The following CALCR variants were observed in gnomAD, a reference collection of about 807,000 sequenced individuals.
CALCR encodes the protein calcitonin receptor.
Under a neutral mutation model 59.5 loss-of-function variants are expected in CALCR, and 47 were observed. The observed-to-expected ratio is 0.79, with a 90% CI of 0.63 to 1.01. CALCR has a LOEUF of 1.01. Ranked by LOEUF, CALCR falls within the 50% of genes least tolerant of loss-of-function variation. CALCR has a pLI of 0.00. For synonymous variants in CALCR, 213 were observed against 211.3 expected (o/e 1.01, Z -0.07); for missense variants, 566 against 597.1 (o/e 0.95, Z 0.54).
intron 2 of CALCR, among the ~76,000 whole-genome samples, chr7:93,553,106 C>T (rs913575251): frequency 2.0e-5 from 3 of 152,168 alleles, no homozygotes; most frequent in Admixed American, 2.0e-4. Flanking sequence ...AATAAAATGA[C>T]TTTTATCCAA....
At chr7:93,542,708 C>A (rs1369742770) in intron 2 of CALCR, among the ~76,000 whole-genome samples, 1 of 132,326 alleles carries the variant, frequency 7.6e-6, no homozygotes, top group African/African-American at 2.6e-5. Context: ...TATTTTATTT[C>A]TTTTATAAGA....
chr7:93,566,200 G>T (rs1789860028), intron 2 of CALCR, among the ~76,000 whole-genome samples: 1 of 152,062 alleles, frequency 6.6e-6, no homozygotes, highest in South Asian at 2.1e-4. Context: ...ATTTGGGACA[G>T]ACAATAAAAA....
Position 93,434,308 on chromosome 7 carries a change from G to A in CALCR, c.1150-14C>T. ...AACAAAGAAGCCCTAAAAAGGGAAG[G>A]AAAAATACAGTTGAAGTTATTTTTG... On this transcript the variant is annotated splice_polypyrimidine_tract_variant and intron_variant, in intron 12 of 13. Coordinates refer to ENST00000426151, the MANE Select transcript of CALCR (RefSeq NM_001742.4). 1 of 1,588,546 alleles carries A rather than the reference G, an allele frequency of 6.3e-7. No homozygotes were observed. The highest frequency in any genetic ancestry group is 1.4e-5 in the African/African-American group (1 of 73,564).
chr7:93,464,106 G>A (rs1398542632), intron 7 of CALCR, among the ~76,000 whole-genome samples: 1 of 151,938 alleles, frequency 6.6e-6, no homozygotes, highest in Admixed American at 6.6e-5. Context: ...TAGTTCATCT[G>A]GTGTAAATCT....
chr7:93,458,912 A>G (rs1013442038), intron 8 of CALCR, among the ~76,000 whole-genome samples: 2 of 152,194 alleles, frequency 1.3e-5, no homozygotes, highest in African/African-American at 2.4e-5. Context: ...ATAAACAGTT[A>G]TATCATTAAA....
chr7:93,544,033 A>G (rs2116197644), intron 2 of CALCR, among the ~76,000 whole-genome samples: 1 of 152,202 alleles, frequency 6.6e-6, no homozygotes, highest in East Asian at 1.9e-4. Context: ...CAGAATAGAA[A>G]TTGAAAAATT....
At chr7:93,511,791 A>T (rs1038886204) in intron 2 of CALCR, among the ~76,000 whole-genome samples, 7 of 152,200 alleles carry the variant, frequency 4.6e-5, no homozygotes, top group Non-Finnish European at 1.0e-4. Flanking sequence ...CATTTTAAAA[A>T]TTTAATAAAG....
intron 2 of CALCR, among the ~76,000 whole-genome samples, chr7:93,530,866 C>T (rs1180563848): frequency 6.6e-6 from 1 of 151,820 alleles, no homozygotes; most frequent in Non-Finnish European, 1.5e-5. Context: ...AAGTGTGGTC[C>T]CTGGACCAGC....
chr7:93,461,001 TG>T, intron 7 of CALCR, 54 bp from the exon 8 acceptor site: 1 of 1,453,664 alleles, frequency 6.9e-7, no homozygotes, highest in Non-Finnish European at 9.2e-7. Context: ...TTGGAGTACC[TG>T]GAAAAAAACA....
At chr7:93,474,850 T>C (rs1310277716) in intron 5 of CALCR, among the ~76,000 whole-genome samples, 2 of 151,804 alleles carry the variant, frequency 1.3e-5, no homozygotes, top group Non-Finnish European at 2.9e-5. Context: ...GTTGTACGTA[T>C]AGATAATGCT....
chr7:93,510,687 A>G (rs1409533842), intron 2 of CALCR, among the ~76,000 whole-genome samples: 2 of 152,046 alleles, frequency 1.3e-5, no homozygotes, highest in East Asian at 1.9e-4. Context: ...GGGCAACATA[A>G]AGAGACACTG....
rs775958731 is a variant in CALCR at position 93,462,138 on chromosome 7, A to G, written c.522-1191T>C. 2.3e-6 allele frequency: 3 copies of G among 1,310,122 alleles called. No homozygotes were observed. In the East Asian group the frequency reaches 7.6e-5, roughly 33 times the overall value. 81.2% of individuals were successfully genotyped at this position (1,310,122 alleles called of 1,614,324 possible). ...GCAATAAAAAGCAATTTAAGTAATA[A>G]AGGCAGCTGTTAGAGCATATTTTAA... On this transcript the variant is annotated intron_variant, in intron 7 of 13. Transcript: ENST00000426151.
At chr7:93,510,891 C>A (rs956229270) in intron 2 of CALCR, among the ~76,000 whole-genome samples, 2 of 151,632 alleles carry the variant, frequency 1.3e-5, no homozygotes, top group Admixed American at 1.3e-4. Flanking sequence ...AACAAACAAA[C>A]AAAAATTATT....
chr7:93,509,265 C>G (rs1426707387), intron 2 of CALCR, among the ~76,000 whole-genome samples: 1 of 152,118 alleles, frequency 6.6e-6, no homozygotes, highest in Admixed American at 6.5e-5. Context: ...TGAAGTCTTA[C>G]CTTTCACTAC....
intron 2 of CALCR, among the ~76,000 whole-genome samples, chr7:93,573,904 TTA>T (rs1375652095): frequency 1.3e-5 from 2 of 152,206 alleles, no homozygotes; most frequent in Non-Finnish European, 2.9e-5. Flanking sequence ...GATGCTGATA[TTA>T]TATGTTTGTC....
At chr7:93,538,510 T>C (rs1434368839) in intron 2 of CALCR, among the ~76,000 whole-genome samples, 1 of 152,128 alleles carries the variant, frequency 6.6e-6, no homozygotes, top group Non-Finnish European at 1.5e-5. Context: ...TTGGGGCTTC[T>C]ATCCTGGGCT....
At chr7:93,474,988 T>C (rs1258678468) in intron 5 of CALCR, among the ~76,000 whole-genome samples, 1 of 151,682 alleles carries the variant, frequency 6.6e-6, no homozygotes, top group African/African-American at 2.4e-5. Context: ...AGAAACTTAT[T>C]GGGCTGAAAA....
chr7:93,529,595 G>A (rs1788778940), intron 2 of CALCR, among the ~76,000 whole-genome samples: 1 of 152,026 alleles, frequency 6.6e-6, no homozygotes, highest in African/African-American at 2.4e-5. Context: ...TTTTAAATCA[G>A]GTAGCCTATA....
At chr7:93,495,839 A>C in intron 2 of CALCR, 4 of 1,320,280 alleles carry the variant, frequency 3.0e-6, no homozygotes, top group African/African-American at 1.5e-5. Flanking sequence ...AACCATTGTA[A>C]GAGGTTCAGT....
Sources: gnomAD v4.1 joint callset for allele counts (sites outside exome capture counted in the v4.1 genomes callset) on GRCh38, gnomAD v4.1.1 for gene constraint, MANE v1.5 for transcripts, NCBI Gene and HGNC (gene_info 2026-07-23, HGNC 2026-07-21) for gene names.